The following RSPO2 variants were observed in gnomAD, a reference collection of about 807,000 sequenced individuals.
RSPO2 encodes the protein R-spondin 2.
Under a neutral mutation model 30.9 loss-of-function variants are expected in RSPO2, and 14 were observed. The observed-to-expected ratio is 0.45, with a 90% confidence interval of 0.30 to 0.71. The LOEUF (loss-of-function observed/expected upper bound fraction) is 0.71, where lower values mean the gene tolerates loss of function less well. Among genes scored for constraint, RSPO2 ranks in the 30% least tolerant of loss-of-function variants. RSPO2 has a pLI of 0.08. For missense variants in RSPO2, 264 were observed against 301.9 expected, an observed-to-expected ratio of 0.87 and a Z score of 0.93; for synonymous variants, 107 against 96.4, an observed-to-expected ratio of 1.11 and a Z score of -0.64.
chr8:107,928,727 G>T (rs776189376), intron 5 of RSPO2, among the ~76,000 whole-genome samples: 1 of 152,172 alleles, frequency 6.6e-6, no homozygotes, highest in Admixed American at 6.6e-5. Flanking sequence ...TTCATAGCGG[G>T]TATCTTCTCT....
intron 2 of RSPO2, among the ~76,000 whole-genome samples, chr8:108,048,462 T>A (rs985573712): frequency 2.0e-5 from 3 of 152,038 alleles, no homozygotes; most frequent in African/African-American, 7.2e-5. Context: ...AAAATTGATG[T>A]GTTTCTTAAA....
chr8:108,023,515 C>A (rs1258942081), intron 2 of RSPO2, among the ~76,000 whole-genome samples: 1 of 152,114 alleles, frequency 6.6e-6, no homozygotes, highest in Non-Finnish European at 1.5e-5. Context: ...AGTTAAGAAG[C>A]CAGCAGAATG....
At chr8:107,937,168 T>A (rs867040564) in intron 5 of RSPO2, among the ~76,000 whole-genome samples, 2 of 151,466 alleles carry the variant, frequency 1.3e-5, no homozygotes, top group African/African-American at 4.8e-5. Context: ...TTTTTTTTTT[T>A]TATATGGGGA....
intron 2 of RSPO2, among the ~76,000 whole-genome samples, chr8:108,002,283 C>A (rs1319271231): frequency 1.3e-5 from 2 of 152,150 alleles, no homozygotes; most frequent in Non-Finnish European, 2.9e-5. Context: ...CATGTTTATA[C>A]AGGGAGATAA....
chr8:107,937,154 GTT>G (rs34187034), intron 5 of RSPO2, among the ~76,000 whole-genome samples: 17 of 139,996 alleles, frequency 1.2e-4, no homozygotes, highest in African/African-American at 4.3e-4. Flanking sequence ...ATCTTCAGTT[GTT>G]TTTTTTTTTT....
intron 2 of RSPO2, among the ~76,000 whole-genome samples, chr8:108,019,486 C>T (rs185795207): frequency 9.2e-5 from 14 of 152,304 alleles, no homozygotes; most frequent in African/African-American, 2.9e-4. Context: ...CCAAGGTAGG[C>T]GTTCCACTTT....
intron 2 of RSPO2, among the ~76,000 whole-genome samples, chr8:108,069,425 G>A (rs906336672): frequency 2.0e-5 from 3 of 152,182 alleles, no homozygotes; most frequent in African/African-American, 7.2e-5. Context: ...TGTTGGCCAG[G>A]ATGGTCGCAA....
At chr8:107,935,079 G>A (rs1464682268) in intron 5 of RSPO2, among the ~76,000 whole-genome samples, 1 of 152,192 alleles carries the variant, frequency 6.6e-6, no homozygotes, top group Non-Finnish European at 1.5e-5. Flanking sequence ...CATTGGACCT[G>A]ACTGCCTGCG....
chr8:108,017,252 C>G (rs1192270908), intron 2 of RSPO2, among the ~76,000 whole-genome samples: 1 of 152,078 alleles, frequency 6.6e-6, no homozygotes, highest in African/African-American at 2.4e-5. Context: ...CTCATGACCT[C>G]GTGATCTGCC....
chr8:107,953,535 GA>G (rs1322638893), intron 5 of RSPO2, among the ~76,000 whole-genome samples: 1 of 152,184 alleles, frequency 6.6e-6, no homozygotes, highest in Non-Finnish European at 1.5e-5. Flanking sequence ...AAAGTAAAAT[GA>G]TATTTCTGCA....
chr8:108,017,622 T>C (rs1362128627), intron 2 of RSPO2, among the ~76,000 whole-genome samples: 1 of 152,116 alleles, frequency 6.6e-6, no homozygotes, highest in Non-Finnish European at 1.5e-5. Context: ...GATGGGGAAG[T>C]AACAAGAAGG....
At chr8:108,043,207 T>A (rs1811808138) in intron 2 of RSPO2, among the ~76,000 whole-genome samples, 1 of 152,102 alleles carries the variant, frequency 6.6e-6, no homozygotes, top group Non-Finnish European at 1.5e-5. Context: ...ACCTTAAGGG[T>A]AAGTGTACTC....
At chr8:107,960,419 G>A (rs542990630) in intron 4 of RSPO2, among the ~76,000 whole-genome samples, 2 of 151,336 alleles carry the variant, frequency 1.3e-5, no homozygotes, top group South Asian at 2.1e-4. Context: ...TGTATTACAC[G>A]GATGATTAAA....
intron 5 of RSPO2, among the ~76,000 whole-genome samples, chr8:107,915,498 G>C (rs1404073513): frequency 6.6e-6 from 1 of 152,162 alleles, no homozygotes. Context: ...ATTTCAGGGA[G>C]ATTTCTCAGA....
At chr8:108,027,997 G>A (rs138361664) in intron 2 of RSPO2, among the ~76,000 whole-genome samples, 5 of 152,212 alleles carry the variant, frequency 3.3e-5, no homozygotes, top group African/African-American at 9.6e-5. Flanking sequence ...ACTTTGACCA[G>A]CCCTACATGA....
intron 2 of RSPO2, among the ~76,000 whole-genome samples, chr8:108,015,938 G>T (rs1441228159): frequency 6.6e-6 from 1 of 152,170 alleles, no homozygotes; most frequent in African/African-American, 2.4e-5. Flanking sequence ...TGAAGGTGAG[G>T]AAGAGAGAAT....
At chr8:108,015,314 C>A (rs1234861069) in intron 2 of RSPO2, among the ~76,000 whole-genome samples, 1 of 152,122 alleles carries the variant, frequency 6.6e-6, no homozygotes, top group Non-Finnish European at 1.5e-5. Context: ...ATAGTACTAC[C>A]ATTTATCTCA....
intron 2 of RSPO2, among the ~76,000 whole-genome samples, chr8:108,011,134 GAA>G (rs66722934): frequency 1.2e-3 from 123 of 100,432 alleles, no homozygotes; most frequent in African/African-American, 4.0e-3. Context: ...CTCCGTCCCA[GAA>G]AAAAAAAAAA....
At chr8:107,904,388 G>A (rs755442084) in intron 5 of RSPO2, among the ~76,000 whole-genome samples, 6 of 151,220 alleles carry the variant, frequency 4.0e-5, no homozygotes, top group South Asian at 4.2e-4. Flanking sequence ...TGAGTTTTAC[G>A]AGGGGATTGT....
Sources: gnomAD v4.1 joint callset for allele counts (sites outside exome capture counted in the v4.1 genomes callset) on GRCh38, gnomAD v4.1.1 for gene constraint, MANE v1.5 for transcripts, NCBI Gene and HGNC (gene_info 2026-07-23, HGNC 2026-07-21) for gene names.